TXNDC12: variants seen among roughly 807,000 people sequenced by gnomAD.
TXNDC12 encodes thioredoxin domain-containing protein 12.
A neutral mutation model predicts 24.2 loss-of-function variants in TXNDC12; 22 were observed. The observed-to-expected ratio is 0.91, with a 90% confidence interval of 0.65 to 1.30. The LOEUF (loss-of-function observed/expected upper bound fraction) is 1.30, where lower values mean the gene tolerates loss of function less well. TXNDC12 is among the 50% of genes most tolerant of loss of function. TXNDC12 has a pLI of 0.00. For missense variants in TXNDC12, 184 were observed against 205.8 expected (o/e 0.89, Z 0.65); for synonymous variants, 58 against 73.4 (o/e 0.79, Z 1.07).
intron 1 of TXNDC12, among the ~76,000 whole-genome samples, chr1:52,042,408 C>T (rs1213824506): frequency 6.6e-6 from 1 of 152,054 alleles, no homozygotes; most frequent in African/African-American, 2.4e-5. Flanking sequence ...CCTCTCCAGC[C>T]TCACTTTCCA....
chr1:52,043,758 A>T (rs1686037801), intron 1 of TXNDC12, among the ~76,000 whole-genome samples: 1 of 152,228 alleles, frequency 6.6e-6, no homozygotes. Flanking sequence ...ATAACTGCTA[A>T]ATGGCCAAGC....
At chr1:52,051,368 T>C (rs1036985204) in intron 1 of TXNDC12, among the ~76,000 whole-genome samples, 12 of 151,946 alleles carry the variant, frequency 7.9e-5, no homozygotes, top group Non-Finnish European at 1.6e-4. Flanking sequence ...AATCCAGGCC[T>C]CCTAATTTAT....
intron 3 of TXNDC12, among the ~76,000 whole-genome samples, chr1:52,028,157 T>G (rs1685701484): frequency 6.6e-6 from 1 of 151,910 alleles, no homozygotes; most frequent in African/African-American, 2.4e-5. Flanking sequence ...CTTTTCCATC[T>G]AGGATTTTAA....
chr1:52,033,699 C>T (rs778048913), intron 2 of TXNDC12: 3 of 1,611,260 alleles, frequency 1.9e-6, no homozygotes, highest in Non-Finnish European at 2.5e-6. Context: ...GCGCCACGCG[C>T]AACTCTTCAG....
chr1:52,022,332 T>C (rs1685609394), intron 6 of TXNDC12, among the ~76,000 whole-genome samples: 2 of 152,194 alleles, frequency 1.3e-5, no homozygotes, highest in South Asian at 4.1e-4. Flanking sequence ...GCCTCCAGAA[T>C]GACTGTGCTC....
At chr1:52,051,001 A>G (rs185631195) in intron 1 of TXNDC12, 1 of 169,684 alleles carries the variant, frequency 5.9e-6, no homozygotes, top group Admixed American at 6.5e-5. Flanking sequence ...TGGGATTTGT[A>G]TTCCAGCTAG....
At chr1:52,041,462 C>A in intron 2 of TXNDC12, 75 bp downstream of exon 2, 1 of 1,017,606 alleles carries the variant, frequency 9.8e-7, no homozygotes, top group Non-Finnish European at 1.5e-6. Flanking sequence ...TATAGCCCTT[C>A]ACCTGAAATT....
chr1:52,026,635 C>T (rs181892763), intron 4 of TXNDC12, among the ~76,000 whole-genome samples: 3 of 152,300 alleles, frequency 2.0e-5, no homozygotes, highest in East Asian at 3.9e-4. Flanking sequence ...CATGCTGGCT[C>T]ACGCCTGTAA....
At chr1:52,032,047 A>ATACCTAAAATGT (rs1451718226) in intron 2 of TXNDC12, 1 of 752,188 alleles carries the variant, frequency 1.3e-6, no homozygotes, top group African/African-American at 1.9e-5. Flanking sequence ...AATGACAAGT[A>ATACCTAAAATGT]TACCTAAAAT....
At chr1:52,023,716 T>C (rs746471364) in intron 5 of TXNDC12, 142 bp from the exon 6 acceptor site, 4 of 589,372 alleles carry the variant, frequency 6.8e-6, no homozygotes, top group African/African-American at 1.9e-5. Context: ...ACCTCCTACA[T>C]TTCTGCTTCC....
intron 2 of TXNDC12, chr1:52,032,933 C>G (rs995431199): frequency 6.2e-7 from 1 of 1,605,458 alleles, no homozygotes. Context: ...TGACTCGTGA[C>G]CTGGTCCAAC....
chr1:52,046,085 T>C (rs1686084244), intron 1 of TXNDC12, among the ~76,000 whole-genome samples: 1 of 151,932 alleles, frequency 6.6e-6, no homozygotes. Context: ...TGGTGGTGCA[T>C]GCCTATAGTC....
chr1:52,047,643 C>A (rs550950825), intron 1 of TXNDC12, among the ~76,000 whole-genome samples: 4 of 152,206 alleles, frequency 2.6e-5, no homozygotes, highest in Admixed American at 2.6e-4. Flanking sequence ...CAATGTGCAC[C>A]TGTAGTCCCA....
intron 2 of TXNDC12, chr1:52,033,199 A>T: frequency 6.2e-7 from 1 of 1,614,206 alleles, no homozygotes; most frequent in Non-Finnish European, 8.5e-7. Context: ...ATCCGGAGTC[A>T]CAAGAGCTGG....
intron 1 of TXNDC12, among the ~76,000 whole-genome samples, chr1:52,052,982 G>A (rs767658013): frequency 1.5e-4 from 23 of 151,874 alleles, no homozygotes; most frequent in African/African-American, 2.2e-4. Context: ...AGTGGCTCCC[G>A]CCTATAATCC....
intron 2 of TXNDC12, chr1:52,033,607 G>T: frequency 6.2e-7 from 1 of 1,612,970 alleles, no homozygotes; most frequent in Non-Finnish European, 8.5e-7. Context: ...CTCACGGGCA[G>T]AATCGCCGTA....
At chr1:52,035,789 T>C (rs1685870685) in intron 2 of TXNDC12, among the ~76,000 whole-genome samples, 1 of 152,218 alleles carries the variant, frequency 6.6e-6, no homozygotes, top group African/African-American at 2.4e-5. Context: ...CCTTATGCAC[T>C]GAATTGTCTG....
chr1:52,030,298 CT>C (rs1685731779), intron 2 of TXNDC12: 1 of 151,998 alleles, frequency 6.6e-6, no homozygotes. Flanking sequence ...ACAGCCAGAC[CT>C]TGTCTCAAAA....
intron 2 of TXNDC12, among the ~76,000 whole-genome samples, chr1:52,034,980 T>C (rs1685855636): frequency 6.6e-6 from 1 of 152,120 alleles, no homozygotes; most frequent in Non-Finnish European, 1.5e-5. Context: ...GCCAGGCTGG[T>C]CTCAAACTCC....
Sources: gnomAD v4.1 joint callset for allele counts (sites outside exome capture counted in the v4.1 genomes callset) on GRCh38, gnomAD v4.1.1 for gene constraint, MANE v1.5 for transcripts, NCBI Gene and HGNC (gene_info 2026-07-23, HGNC 2026-07-21) for gene names.